Variants in SERINC2 observed in about 807,000 individuals in gnomAD.
SERINC2 encodes tumor differentially expressed protein 2.
A neutral mutation model predicts 54.2 loss-of-function variants in SERINC2; 56 were observed. The ratio of observed to expected loss-of-function variants is 1.03; its 90% CI spans 0.83 to 1.29. SERINC2 has a LOEUF of 1.29. SERINC2 is among the 50% of genes most tolerant of loss of function. The probability of loss-of-function intolerance (pLI) is 0.00; values close to 1 mark genes in which losing one functional copy is unlikely to be tolerated. For synonymous variants in SERINC2, 272 were observed against 253.1 expected (o/e 1.07, Z -0.71); for missense variants, 614 against 607.4 (o/e 1.01, Z -0.12).
Position 31,428,827 on chromosome 1 carries a change from G to A in SERINC2, c.781-151G>A, listed in dbSNP as rs576208039. 1,327 of 664,902 alleles carry A rather than the reference G, an allele frequency of 2.0e-3. 4 individuals carry two copies. Among genetic ancestry groups the A allele is most frequent in the Middle Eastern group, 7.1e-3 (17 of 2,404 alleles). The allele number at this position is 664,902 out of a possible 1,614,324, so 41.2% of individuals were successfully genotyped here. On this transcript the variant is annotated intron_variant, in intron 6 of 9. Coordinates refer to ENST00000373709, the MANE Select transcript of SERINC2 (RefSeq NM_178865.5). ...CCTTTGGTTAGTGAGGTGGGTGGTA[G>A]GTGGCCTGCTTGGTGTTTTCCCTAA...
Position 31,413,922 on chromosome 1 carries a change from G to A in SERINC2, c.39+618G>A. 1 of 1,509,676 alleles carries A rather than the reference G, an allele frequency of 6.6e-7. No homozygotes were observed. Among genetic ancestry groups the A allele is most frequent in the Non-Finnish European group, 8.8e-7 (1 of 1,136,178 alleles). 93.5% of individuals were successfully genotyped at this position (1,509,676 alleles called of 1,614,324 possible). A position where few individuals can be genotyped will look rare whatever the true frequency, so the allele number is the denominator to read the frequency against. The stretch of plus-strand genomic sequence containing the variant: ...CCGTCCGTCCCTCAGTCTCTCTGCG[G>A]TCCCTTTACCGTCCTCAGTCTGGCT... On this transcript the variant is annotated intron_variant, in intron 1 of 9. Transcript: ENST00000373709. The surrounding 1 kb of genome is among the most constrained non-coding windows in gnomAD (Gnocchi z 5.0).
At chr1:31,410,078 T>C, upstream of SERINC2, 1 of 1,160,344 alleles carries the variant, frequency 8.6e-7, no homozygotes, top group Non-Finnish European at 1.2e-6. Context: ...CCTACATGTT[T>C]ATTTCAAGGG....
chr1:31,423,676 A>G lies in SERINC2; in HGVS notation c.40-17A>G, dbSNP rs376233780. Reference sequence around the variant, plus strand: ...GCGGTGAAGGGGAGAGGGAAGAGTGACAGTGCCCTCCCGCAGGCGTCCTGC... The same window carrying G: ...GCGGTGAAGGGGAGAGGGAAGAGTGGCAGTGCCCTCCCGCAGGCGTCCTGC... On this transcript the variant is annotated splice_polypyrimidine_tract_variant and intron_variant, in intron 1 of 9. Coordinates refer to ENST00000373709, the MANE Select transcript of SERINC2 (RefSeq NM_178865.5). The G allele has an allele frequency of 1.1e-5, 17 of 1,602,912 alleles. No individual in the cohort carries two copies. Among genetic ancestry groups the G allele is most frequent in the Non-Finnish European group, 1.4e-5 (16 of 1,179,288 alleles).
At chr1:31,416,374 C>T (rs940569777) in intron 1 of SERINC2, among the ~76,000 whole-genome samples, 2 of 152,188 alleles carry the variant, frequency 1.3e-5, no homozygotes, top group Non-Finnish European at 2.9e-5. Context: ...CCCAGGAGAT[C>T]ATTTTACAGA....
intron 1 of SERINC2, chr1:31,414,615 G>C: frequency 1.0e-6 from 1 of 985,782 alleles, no homozygotes; most frequent in African/African-American, 1.7e-5. Context: ...GTGTGTGTGC[G>C]TGTGCATGTG....
chr1:31,425,502 C>A, intron 4 of SERINC2, 93 bp downstream of exon 4: 1 of 1,010,078 alleles, frequency 9.9e-7, no homozygotes, highest in Non-Finnish European at 1.6e-6. Context: ...TTTGCTGGGG[C>A]ACACAGACCC....
chr1:31,433,803 C>G (rs1641391185), intron 9 of SERINC2, among the ~76,000 whole-genome samples: 1 of 151,942 alleles, frequency 6.6e-6, no homozygotes, highest in Non-Finnish European at 1.5e-5. Flanking sequence ...GATTGAGGTC[C>G]CAGAATTAGG....
intron 8 of SERINC2, among the ~76,000 whole-genome samples, chr1:31,432,761 G>C (rs1161364833): frequency 6.6e-6 from 1 of 152,144 alleles, no homozygotes; most frequent in Non-Finnish European, 1.5e-5. Context: ...CAAGGAATCA[G>C]AGGCTCAGAG....
At position 31,413,396 on chromosome 1, in the gene SERINC2, T is replaced by C. The variant is rs1640694776; in HGVS notation, c.39+92T>C. The stretch of plus-strand genomic sequence containing the variant: ...CTGTTCTGCTCCGAGTAGTTTCTTC[T>C]TTTTCCTTCCTGCAAACTTGTCTTT... On this transcript the variant is annotated intron_variant, in intron 1 of 9. Transcript: ENST00000373709. The surrounding 1 kb of genome is among the most constrained non-coding windows in gnomAD (Gnocchi z 5.0). The C allele has an allele frequency of 1.4e-5, 10 of 711,052 alleles. 1 individual carries two copies. Among genetic ancestry groups the C allele is most frequent in the African/African-American group, 3.7e-5 (2 of 54,030 alleles). The allele number at this position is 711,052 out of a possible 1,614,324, so 44.0% of individuals were successfully genotyped here. A position where few individuals can be genotyped will look rare whatever the true frequency, so the allele number is the denominator to read the frequency against.
At chr1:31,414,909 A>T (rs1239997259) in intron 1 of SERINC2, 7 of 286,326 alleles carry the variant, frequency 2.4e-5, no homozygotes, top group Non-Finnish European at 2.6e-5. Flanking sequence ...CTGTTGGGAG[A>T]TGAGGCACAG....
Position 31,432,980 on chromosome 1 carries a change from G to C in SERINC2, c.1027G>C (p.Asp343His). 6.2e-7 allele frequency: 1 copy of C among 1,611,164 alleles called. No homozygotes were observed. Among genetic ancestry groups the C allele is most frequent in the Non-Finnish European group, 8.5e-7 (1 of 1,179,364 alleles). The change falls in exon 9 of 10, where the codon GAC becomes CAC. Residue 343 changes from aspartate (D) to histidine (H), a missense_variant. Asp to His is a moderately conservative substitution (Grantham distance 81, BLOSUM62 -1). Coordinates refer to ENST00000373709, the MANE Select transcript of SERINC2 (RefSeq NM_178865.5). ...CTLFISLRSS[D>H]HRQVNSLMQT... is the part of the protein sequence containing the mutation. ...CCTCCCCTGCAGTCTGCGCTCCTCA[G>C]ACCACCGGCAGGTGAACAGCCTGAT...
upstream of SERINC2, chr1:31,412,970 TC>T (rs1640677521): frequency 5.3e-6 from 1 of 189,400 alleles, no homozygotes; most frequent in South Asian, 1.8e-4. Flanking sequence ...GAGGTCGATT[TC>T]CGAACGCTCA....
chr1:31,413,235 C>CGCCGGGCGCCCGAA lies in SERINC2; in HGVS notation c.-24_-11dup. 2 of 1,143,314 alleles carry CGCCGGGCGCCCGAA rather than the reference C, an allele frequency of 1.7e-6. No homozygotes were observed. The highest frequency in any genetic ancestry group is 2.1e-6 in the Non-Finnish European group (2 of 934,168). 70.8% of individuals were successfully genotyped at this position (1,143,314 alleles called of 1,614,324 possible). A position where few individuals can be genotyped will look rare whatever the true frequency, so the allele number is the denominator to read the frequency against. ...CCCGAGGTCCGCGCCCCGCGCCCGG[C>CGCCGGGCGCCCGAA]GCCGGGCGCCCGAAGCCGGGAGCCG... is the stretch of plus-strand genomic sequence containing the variant. On this transcript the variant is annotated 5_prime_UTR_variant, in exon 1 of 10. Coordinates refer to ENST00000373709, the MANE Select transcript of SERINC2 (RefSeq NM_178865.5). This position sits in a 1 kb window ranked among gnomAD's most constrained non-coding sequence, Gnocchi z 5.0.
chr1:31,426,724 C>T lies in SERINC2; in HGVS notation c.681C>T (p.Tyr227=), dbSNP rs782778720. 6.2e-7 allele frequency: 1 copy of T among 1,614,168 alleles called. No homozygotes were observed. Among genetic ancestry groups the T allele is most frequent in the South Asian group, 1.1e-5 (1 of 91,088 alleles). ...CCGTGGCGCTGATGTTCATGTACTA[C>T]ACTGAGCCCAGCGGCTGCCACGAGG... ...IAAVALMFMY[Y]TEPSGCHEGK... is the part of the protein sequence containing the mutation. Residue 227 remains tyrosine (Y), a synonymous_variant, in exon 6 of 10, where the codon TAC becomes TAT. Transcript: ENST00000373709.
chr1:31,431,804 A>ATAGGATGGT lies in SERINC2; in HGVS notation c.1014-1163_1014-1162insTAGGATGGT, dbSNP rs1557499849. ...AGGGTGGATAGGGTGGATAGGGTGG[A>ATAGGATGGT]CAGGGTGGACAGGGTGGATAGGGTG... On this transcript the variant is annotated intron_variant, in intron 8 of 9. Transcript: ENST00000373709. Among the ~76,000 whole-genome samples, 310 of 122,420 alleles carry ATAGGATGGT rather than the reference A, an allele frequency of 2.5e-3. 29 individuals are homozygous for ATAGGATGGT. The highest frequency in any genetic ancestry group is 0.013 in the Middle Eastern group (3 of 234). The allele number at this position is 122,420 out of a possible 152,430, so 80.3% of individuals were successfully genotyped here. A position where few individuals can be genotyped will look rare whatever the true frequency, so the allele number is the denominator to read the frequency against.
intron 1 of SERINC2, chr1:31,414,446 TGTGTGTGTGAGA>T: frequency 1.0e-6 from 1 of 996,294 alleles, no homozygotes; most frequent in Non-Finnish European, 1.2e-6. Flanking sequence ...TGTGTGTGTG[TGTGTGTGTGAGA>T]GAGAGAGAGA....
chr1:31,414,084 A>G (rs1640715036), intron 1 of SERINC2: 1 of 1,470,862 alleles, frequency 6.8e-7, no homozygotes, highest in Middle Eastern at 1.8e-4. Context: ...GTCACGGACC[A>G]CCGGGCGGAA....
chr1:31,411,813 C>T (rs782605444), upstream of SERINC2, among the ~76,000 whole-genome samples: 2 of 151,748 alleles, frequency 1.3e-5, no homozygotes, highest in Non-Finnish European at 2.9e-5. Context: ...GCCTGGACAA[C>T]ATAAGGAGAC....
rs117944460 is a variant in SERINC2 at position 31,413,651 on chromosome 1, A to C, written c.39+347A>C. Among the ~76,000 whole-genome samples, 864 of 151,586 alleles carry C rather than the reference A, an allele frequency of 5.7e-3. 67 individuals are homozygous for C. The East Asian group carries it at 0.14, about 25-fold the overall frequency. On this transcript the variant is annotated intron_variant, in intron 1 of 9. Coordinates refer to ENST00000373709, the MANE Select transcript of SERINC2 (RefSeq NM_178865.5). The surrounding 1 kb of genome is among the most constrained non-coding windows in gnomAD (Gnocchi z 5.0). ...CAGCTCTGTGGGCCCTCGTCGCCCC[A>C]CTTGGGGCGGTCCTCGGGGTGGCCT...
Sources: gnomAD v4.1 joint callset for allele counts (sites outside exome capture counted in the v4.1 genomes callset) on GRCh38, gnomAD v4.1.1 for gene constraint, Gnocchi (gnomAD v3.1) non-coding constraint, MANE v1.5 for transcripts, NCBI Gene and HGNC (gene_info 2026-07-23, HGNC 2026-07-21) for gene names.